Variants in ALLC observed in about 807,000 individuals in gnomAD.
ALLC encodes the protein probable inactive allantoicase.
In ALLC, 40 loss-of-function variants were observed where a neutral mutation model predicts 45.0. The observed-to-expected ratio is 0.89, with a 90% CI of 0.69 to 1.16. The LOEUF (loss-of-function observed/expected upper bound fraction) is 1.16. Among genes scored for constraint, ALLC ranks in the 50% most tolerant of loss-of-function variants. The pLI, the probability that ALLC is intolerant of heterozygous loss-of-function variation, is 0.00. For missense variants in ALLC, 488 were observed against 493.1 expected, an observed-to-expected ratio of 0.99 and a Z score of 0.10; for synonymous variants, 176 against 178.1, an observed-to-expected ratio of 0.99 and a Z score of 0.09.
intron 1 of ALLC, among the ~76,000 whole-genome samples, chr2:3,669,946 G>A (rs2147997074): frequency 6.6e-6 from 1 of 152,308 alleles, no homozygotes; most frequent in East Asian, 1.9e-4. Flanking sequence ...ATGCATTTGG[G>A]GATAATTGGA....
intron 6 of ALLC, 119 bp from the exon 7 acceptor site, chr2:3,682,823 C>T (rs867798080): frequency 2.8e-6 from 3 of 1,090,772 alleles, no homozygotes; most frequent in Middle Eastern, 2.2e-4. Flanking sequence ...CCGTGCCCGG[C>T]ATCCATCATT....
the ALLC span, among the ~76,000 whole-genome samples, chr2:3,646,714 A>C: frequency 6.6e-6 from 1 of 152,162 alleles, no homozygotes. Flanking sequence ...TGGTGCGTAT[A>C]TCCTTCTGGT....
rs569121920 is a variant in ALLC, at chr2:3,673,378, A to G, written c.34-697A>G. 8.5e-5 allele frequency among the ~76,000 whole-genome samples: 13 copies of G among 152,224 alleles called. No individual in the cohort carries two copies. The East Asian group carries it at 1.2e-3, about 14-fold the overall frequency. ...GCCATTTGAACCCTGGAACAGGTCA[A>G]CCTCAGCACATCAGGTCTTCCCTCT... On this transcript the variant is annotated intron_variant, in intron 2 of 11. Transcript: ENST00000252505.
intron 7 of ALLC, chr2:3,695,402 G>A (rs1667636365): frequency 3.3e-6 from 1 of 301,988 alleles, no homozygotes. Context: ...ATGTAACCTG[G>A]GGAGTCAGGC....
At position 3,682,415 on chromosome 2, in the gene ALLC, T is replaced by C. The variant is rs546875312; in HGVS notation, c.379-527T>C. 2.6e-5 allele frequency among the ~76,000 whole-genome samples: 4 copies of C among 152,366 alleles called. No homozygotes were observed. The South Asian group carries it at 8.3e-4, about 32-fold the overall frequency. On this transcript the variant is annotated intron_variant, in intron 6 of 11. Transcript: ENST00000252505. ...CTGCCACCATCACCCACTGGCTGTT[T>C]TGATCAGTGAAAACAAAACAGGCCT...
intron 7 of ALLC, among the ~76,000 whole-genome samples, chr2:3,683,285 G>A (rs1667247015): frequency 6.6e-6 from 1 of 152,134 alleles, no homozygotes; most frequent in Non-Finnish European, 1.5e-5. Flanking sequence ...AAGTAAATTA[G>A]GATGTGGTGG....
At chr2:3,661,901 G>A (rs888228095) in intron 1 of ALLC, among the ~76,000 whole-genome samples, 1 of 152,128 alleles carries the variant, frequency 6.6e-6, no homozygotes, top group Non-Finnish European at 1.5e-5. Context: ...CAAAATCCAG[G>A]TGGGCTGGGT....
intron 10 of ALLC, among the ~76,000 whole-genome samples, 165 bp downstream of exon 10, chr2:3,697,621 G>GTCTGTCTA (rs1354630765): frequency 0.029 from 3,689 of 125,354 alleles, 130 homozygotes; most frequent in African/African-American, 0.086. Flanking sequence ...CTGTCTGTCT[G>GTCTGTCTA]TCTATCTATC....
intron 6 of ALLC, among the ~76,000 whole-genome samples, chr2:3,682,635 C>T (rs1342530643): frequency 2.0e-5 from 3 of 152,168 alleles, no homozygotes; most frequent in Non-Finnish European, 4.4e-5. Context: ...ACGCCATTCT[C>T]CTGCCTCAGC....
chr2:3,701,477 C>T lies in ALLC; in HGVS notation c.851-35C>T, dbSNP rs535134035. 253 of 1,547,982 alleles carry T rather than the reference C, an allele frequency of 1.6e-4. 3 individuals carry two copies. In the South Asian group the frequency reaches 2.7e-3, roughly 17 times the overall value. On this transcript the variant is annotated intron_variant, in intron 10 of 11. Transcript: ENST00000252505. Reference sequence around the variant, plus strand: ...CTATACGCCAAACTGAGTGCAAATGCGGGCAGAAAATCACGCTGTGTTTTG... The same window carrying T: ...CTATACGCCAAACTGAGTGCAAATGTGGGCAGAAAATCACGCTGTGTTTTG...
chr2:3,691,134 A>G (rs1009982609), intron 7 of ALLC, among the ~76,000 whole-genome samples: 6 of 152,126 alleles, frequency 3.9e-5, no homozygotes, highest in Admixed American at 2.0e-4. Context: ...TTAAAATGTC[A>G]TCCCACTTCT....
chr2:3,696,220 C>A lies in ALLC; in HGVS notation c.668-55C>A. On this transcript the variant is annotated intron_variant, in intron 8 of 11. Transcript: ENST00000252505. ...TGTAATTTAATTACAGCAATGTATT[C>A]ATCCTCATAGTTAAAATCATGCAGT... The A allele has an allele frequency of 3.6e-6, 5 of 1,402,218 alleles. 1 individual carries two copies. Among genetic ancestry groups the A allele is most frequent in the Middle Eastern group, 3.5e-4 (2 of 5,664 alleles). 86.9% of individuals were successfully genotyped at this position (1,402,218 alleles called of 1,614,324 possible).
intron 1 of ALLC, among the ~76,000 whole-genome samples, chr2:3,667,979 G>A (rs1169202748): frequency 6.6e-6 from 1 of 152,152 alleles, no homozygotes; most frequent in Non-Finnish European, 1.5e-5. Flanking sequence ...TGGTTAGGCT[G>A]GTCTTGAACT....
At chr2:3,671,541 CTGGT>C (rs1399463385) in intron 2 of ALLC, among the ~76,000 whole-genome samples, 7 of 151,564 alleles carry the variant, frequency 4.6e-5, no homozygotes, top group African/African-American at 9.7e-5. Flanking sequence ...TCCTCTGGCT[CTGGT>C]TAGATAGGAG....
chr2:3,681,794 AAGGC>A, intron 6 of ALLC, 81 bp downstream of exon 6: 3 of 1,178,354 alleles, frequency 2.5e-6, no homozygotes, highest in South Asian at 1.4e-5. Flanking sequence ...CTGGCTGTGC[AAGGC>A]GATTCTTTGG....
the ALLC span, among the ~76,000 whole-genome samples, chr2:3,650,911 CTG>C: frequency 1.4e-4 from 21 of 152,342 alleles, no homozygotes; most frequent in African/African-American, 4.1e-4. Context: ...GCTATAAACA[CTG>C]GGCCTGAAGT....
chr2:3,697,911 C>T (rs780631978), intron 10 of ALLC, among the ~76,000 whole-genome samples: 3 of 151,832 alleles, frequency 2.0e-5, no homozygotes, highest in East Asian at 1.9e-4. Flanking sequence ...GTGATTCACC[C>T]GTCGCAGCCT....
chr2:3,699,655 T>C (rs1188486999), intron 10 of ALLC, among the ~76,000 whole-genome samples: 2 of 152,188 alleles, frequency 1.3e-5, no homozygotes, highest in Non-Finnish European at 1.5e-5. Context: ...CACAACCTTG[T>C]CAACAACTGT....
In ALLC at chr2:3,697,410, T is replaced by A; in HGVS notation, c.804T>A (p.His268Gln). ...AATGGGCAGTTTTCCGATTGGCACA[T>A]CCTGGAGTAATAACTCGAATTGAAA... ...GCEWAVFRLA[H>Q]PGVITRIEID... is the part of the protein sequence containing the mutation. The change falls in exon 10 of 12, where the codon CAT (histidine) becomes CAA (glutamine). Residue 268 changes from histidine to glutamine, a missense_variant. Transcript: ENST00000252505. 6.2e-7 allele frequency: 1 copy of A among 1,613,944 alleles called. No individual in the cohort carries two copies. Among genetic ancestry groups the A allele is most frequent in the Non-Finnish European group, 8.5e-7 (1 of 1,179,864 alleles).
Sources: allele counts gnomAD v4.1 joint callset (sites outside exome capture counted in the v4.1 genomes callset), GRCh38; gene constraint gnomAD v4.1.1; transcripts MANE v1.5; gene names NCBI Gene and HGNC (gene_info 2026-07-23, HGNC 2026-07-21).